The following PIK3C2G variants were observed in gnomAD, a reference collection of about 807,000 sequenced individuals.
PIK3C2G encodes phosphatidylinositol-4-phosphate 3-kinase catalytic subunit type 2 gamma.
In PIK3C2G, 168 loss-of-function variants were observed where a neutral mutation model predicts 181.1. That is an observed-to-expected ratio of 0.93 (90% CI 0.82 to 1.05). The LOEUF (loss-of-function observed/expected upper bound fraction) is 1.05. Among genes scored for constraint, PIK3C2G ranks in the 50% least tolerant of loss-of-function variants. The pLI, the probability that PIK3C2G is intolerant of heterozygous loss-of-function variation, is 0.00. For synonymous variants in PIK3C2G, 573 were observed against 592.2 expected (o/e 0.97, Z 0.47); for missense variants, 1,869 against 1,732.8 (o/e 1.08, Z -1.40).
At chr12:18,721,882 G>A in the PIK3C2G span, among the ~76,000 whole-genome samples, 1 of 151,980 alleles carries the variant, frequency 6.6e-6, no homozygotes, top group Middle Eastern at 3.4e-3. Flanking sequence ...ACAATATCGA[G>A]AACCCTTCAA....
intron 25 of PIK3C2G, among the ~76,000 whole-genome samples, chr12:18,541,703 C>T (rs949262007): frequency 1.3e-5 from 2 of 151,896 alleles, no homozygotes; most frequent in African/African-American, 2.4e-5. Context: ...TATCTGTTCA[C>T]TTCCTGTTCT....
At chr12:18,413,023 C>T (rs944442612) in intron 16 of PIK3C2G, among the ~76,000 whole-genome samples, 1 of 152,214 alleles carries the variant, frequency 6.6e-6, no homozygotes, top group East Asian at 1.9e-4. Flanking sequence ...TTTAATTATA[C>T]CTTTTCCACC....
chr12:18,360,649 A>C (rs1222681443), intron 11 of PIK3C2G, among the ~76,000 whole-genome samples: 3 of 152,168 alleles, frequency 2.0e-5, no homozygotes, highest in African/African-American at 7.2e-5. Flanking sequence ...GGTATTCTTT[A>C]GTGACAGGTT....
At chr12:18,489,388 T>C (rs901685495) in intron 19 of PIK3C2G, among the ~76,000 whole-genome samples, 2 of 152,076 alleles carry the variant, frequency 1.3e-5, no homozygotes, top group African/African-American at 4.8e-5. Flanking sequence ...ACTCAGTTTC[T>C]CTCCACTTAT....
At chr12:18,600,682 AAAAT>A (rs1947662425) in intron 30 of PIK3C2G, among the ~76,000 whole-genome samples, 2 of 152,110 alleles carry the variant, frequency 1.3e-5, no homozygotes, top group Non-Finnish European at 2.9e-5. Context: ...ACTCCATGAG[AAAAT>A]AAATTTGTAA....
At chr12:18,607,806 A>C (rs1464970420) in intron 30 of PIK3C2G, among the ~76,000 whole-genome samples, 2 of 152,210 alleles carry the variant, frequency 1.3e-5, no homozygotes, top group Non-Finnish European at 2.9e-5. Context: ...CTCATCTGAC[A>C]AAGGGCTAGT....
the PIK3C2G span, chr12:18,685,679 A>T: frequency 3.9e-6 from 2 of 515,496 alleles, no homozygotes; most frequent in Non-Finnish European, 7.8e-6. Flanking sequence ...AAATAATTTC[A>T]TGGGGTACAG....
chr12:18,647,791 A>ATT, intron 32 of PIK3C2G, 85 bp from the exon 33 acceptor site: 1 of 720,472 alleles, frequency 1.4e-6, no homozygotes, highest in African/African-American at 1.8e-5. Flanking sequence ...TTAGCAGCTA[A>ATT]TTTTTTTTAT....
chr12:18,571,654 T>G (rs1230882730), intron 29 of PIK3C2G, among the ~76,000 whole-genome samples: 2 of 150,918 alleles, frequency 1.3e-5, no homozygotes, highest in African/African-American at 4.9e-5. Flanking sequence ...TCTGTATTAC[T>G]AATATAGCCA....
chr12:18,281,621 A>G (rs1949221766), intron 1 of PIK3C2G, among the ~76,000 whole-genome samples: 1 of 152,068 alleles, frequency 6.6e-6, no homozygotes, highest in Non-Finnish European at 1.5e-5. Context: ...TTGCTGGTCA[A>G]GAAGAGACTG....
At chr12:18,613,212 C>T (rs1948431647) in intron 31 of PIK3C2G, among the ~76,000 whole-genome samples, 1 of 151,992 alleles carries the variant, frequency 6.6e-6, no homozygotes, top group African/African-American at 2.4e-5. Flanking sequence ...CTAGGCTGCT[C>T]TCTTCTCCCT....
chr12:18,658,682 GTAACTT>G, the PIK3C2G span, among the ~76,000 whole-genome samples: 1 of 152,024 alleles, frequency 6.6e-6, no homozygotes, highest in Non-Finnish European at 1.5e-5. Context: ...TAACCGACCT[GTAACTT>G]TAAGTATTTG....
intron 25 of PIK3C2G, among the ~76,000 whole-genome samples, chr12:18,539,577 A>T (rs987311400): frequency 6.6e-6 from 1 of 151,918 alleles, no homozygotes. Flanking sequence ...TCACATTTCA[A>T]GTACTCAGTA....
rs535074056 is a variant in PIK3C2G at position 18,331,018 on chromosome 12, T to G, written c.1272+5920T>G. Among the ~76,000 whole-genome samples, 17 of 152,318 alleles carry G rather than the reference T, an allele frequency of 1.1e-4. No individual in the cohort carries two copies. In the South Asian group the frequency reaches 3.5e-3, roughly 32 times the overall value. On this transcript the variant is annotated intron_variant, in intron 8 of 32. Coordinates refer to ENST00000538779, the MANE Select transcript of PIK3C2G (RefSeq NM_001288772.2). ...ATATTTTTCAATACTATTTTTAGTT[T>G]TAGCTGTTCTTTAGTTCTATGATCC...
At chr12:18,688,183 T>C in the PIK3C2G span, 3 of 1,610,982 alleles carry the variant, frequency 1.9e-6, no homozygotes, top group East Asian at 6.7e-5. Context: ...TGTTAGATGA[T>C]GAATGAGTAA....
At chr12:18,447,181 G>T (rs1420037798) in intron 18 of PIK3C2G, among the ~76,000 whole-genome samples, 2 of 152,102 alleles carry the variant, frequency 1.3e-5, no homozygotes, top group African/African-American at 4.8e-5. Flanking sequence ...TTTACTCAGG[G>T]CCACGTGATA....
At chr12:18,408,969 C>G (rs945328573) in intron 16 of PIK3C2G, among the ~76,000 whole-genome samples, 1 of 152,088 alleles carries the variant, frequency 6.6e-6, no homozygotes, top group Admixed American at 6.6e-5. Flanking sequence ...ATTAGTTCAA[C>G]CTTTGTGGAA....
chr12:18,594,873 A>C (rs963119389), intron 30 of PIK3C2G, among the ~76,000 whole-genome samples: 2 of 152,082 alleles, frequency 1.3e-5, no homozygotes, highest in Non-Finnish European at 2.9e-5. Context: ...GACCACTGTC[A>C]AATCTTTTTT....
At chr12:18,702,247 C>T in the PIK3C2G span, among the ~76,000 whole-genome samples, 7 of 151,610 alleles carry the variant, frequency 4.6e-5, no homozygotes, top group African/African-American at 9.7e-5. Flanking sequence ...ATTAAAGATT[C>T]GTAATAAAGG....
Sources: allele counts gnomAD v4.1 joint callset (sites outside exome capture counted in the v4.1 genomes callset), GRCh38; gene constraint gnomAD v4.1.1; transcripts MANE v1.5; gene names NCBI Gene and HGNC (gene_info 2026-07-23, HGNC 2026-07-21).